KCNB2: variants seen among roughly 807,000 people sequenced by gnomAD.
KCNB2 encodes potassium voltage-gated channel subfamily B member 2, also known as delayed rectifier potassium channel protein.
KCNB2 carries 15 observed loss-of-function variants against 61.5 expected under a neutral mutation model. That is an observed-to-expected ratio of 0.24 (90% CI 0.16 to 0.38). The LOEUF is 0.38. Ranked by LOEUF, KCNB2 falls within the 10% of genes least tolerant of loss-of-function variation. The probability of loss-of-function intolerance (pLI) is 1.00; values close to 1 mark genes in which losing one functional copy is unlikely to be tolerated. For synonymous variants in KCNB2, 457 were observed against 446.0 expected, an observed-to-expected ratio of 1.02 and a Z score of -0.31; for missense variants, 828 against 1,125.2, an observed-to-expected ratio of 0.74 and a Z score of 3.78.
At chr8:72,815,862 C>G (rs1198861579) in intron 2 of KCNB2, among the ~76,000 whole-genome samples, 1 of 152,000 alleles carries the variant, frequency 6.6e-6, no homozygotes, top group Non-Finnish European at 1.5e-5. Context: ...AAAATTGAAA[C>G]CTTACTATGA....
intron 2 of KCNB2, among the ~76,000 whole-genome samples, chr8:72,902,372 G>A (rs1297458361): frequency 2.0e-5 from 3 of 152,124 alleles, no homozygotes; most frequent in Non-Finnish European, 2.9e-5. Context: ...GTGATCAGAG[G>A]ATGGAGTTTT....
intron 2 of KCNB2, among the ~76,000 whole-genome samples, chr8:72,908,476 A>T (rs1397582412): frequency 6.6e-6 from 1 of 152,192 alleles, no homozygotes; most frequent in African/African-American, 2.4e-5. Flanking sequence ...TAATTGGTGG[A>T]CTGATTAGTA....
intron 2 of KCNB2, among the ~76,000 whole-genome samples, chr8:72,714,077 G>C (rs1211142101): frequency 1.3e-5 from 2 of 152,116 alleles, no homozygotes; most frequent in East Asian, 3.9e-4. Context: ...AAGACGAAAT[G>C]AATGAAATGA....
At chr8:72,642,240 T>G (rs1160011518) in intron 2 of KCNB2, among the ~76,000 whole-genome samples, 1 of 152,178 alleles carries the variant, frequency 6.6e-6, no homozygotes, top group African/African-American at 2.4e-5. Context: ...AATATCTCAT[T>G]AATAATTTTA....
intron 2 of KCNB2, among the ~76,000 whole-genome samples, chr8:72,742,940 T>C (rs953674576): frequency 6.6e-6 from 1 of 152,240 alleles, no homozygotes; most frequent in Non-Finnish European, 1.5e-5. Context: ...GGGTGGAATC[T>C]ATACCAGCTC....
intron 1 of KCNB2, among the ~76,000 whole-genome samples, chr8:72,560,230 C>A (rs1806491838): frequency 6.6e-6 from 1 of 152,166 alleles, no homozygotes; most frequent in Non-Finnish European, 1.5e-5. Context: ...ATTACATGAT[C>A]TAAAAGTTAA....
chr8:72,838,586 C>G (rs1809823080), intron 2 of KCNB2, among the ~76,000 whole-genome samples: 1 of 152,146 alleles, frequency 6.6e-6, no homozygotes, highest in Non-Finnish European at 1.5e-5. Flanking sequence ...GTGCATGTGT[C>G]TTTATAGCAG....
intron 2 of KCNB2, among the ~76,000 whole-genome samples, chr8:72,731,643 A>G (rs967667462): frequency 2.6e-5 from 4 of 152,238 alleles, no homozygotes; most frequent in African/African-American, 9.6e-5. Flanking sequence ...GTGTGAACAT[A>G]TCATTTGACC....
At chr8:72,768,800 C>T (rs985934409) in intron 2 of KCNB2, among the ~76,000 whole-genome samples, 8 of 152,098 alleles carry the variant, frequency 5.3e-5, no homozygotes, top group African/African-American at 1.9e-4. Context: ...TGTCCTAGCA[C>T]CATTTGTTGA....
At chr8:72,833,599 G>A (rs956906734) in intron 2 of KCNB2, among the ~76,000 whole-genome samples, 1 of 152,056 alleles carries the variant, frequency 6.6e-6, no homozygotes, top group Non-Finnish European at 1.5e-5. Flanking sequence ...AGGGGGTGAG[G>A]AATTCTAAAC....
chr8:72,546,049 C>A (rs1806253111), intron 1 of KCNB2, among the ~76,000 whole-genome samples: 1 of 152,086 alleles, frequency 6.6e-6, no homozygotes. Flanking sequence ...GGTAAAGGCC[C>A]CCTGTTCTGG....
chr8:72,775,408 A>T (rs765797813), intron 2 of KCNB2, among the ~76,000 whole-genome samples: 7 of 152,228 alleles, frequency 4.6e-5, no homozygotes, highest in Non-Finnish European at 8.8e-5. Context: ...CTGTTAGAAC[A>T]TCGCAGAATG....
intron 2 of KCNB2, among the ~76,000 whole-genome samples, chr8:72,804,416 G>T (rs974367173): frequency 4.6e-5 from 7 of 152,036 alleles, no homozygotes; most frequent in African/African-American, 1.7e-4. Flanking sequence ...ACTGCTAATG[G>T]TCATTTGGAA....
chr8:72,581,884 T>G (rs1011086004), intron 2 of KCNB2, among the ~76,000 whole-genome samples: 1 of 152,214 alleles, frequency 6.6e-6, no homozygotes, highest in Non-Finnish European at 1.5e-5. Context: ...CTGTGGGCTC[T>G]GGGAACTCTT....
chr8:72,655,281 A>C (rs544029515), intron 2 of KCNB2, among the ~76,000 whole-genome samples: 1 of 152,092 alleles, frequency 6.6e-6, no homozygotes, highest in Admixed American at 6.6e-5. Context: ...AACAATAGGC[A>C]TGAGGGCCTA....
At chr8:72,725,577 A>ATGTATGTGTG (rs1397992108) in intron 2 of KCNB2, among the ~76,000 whole-genome samples, 1 of 65,734 alleles carries the variant, frequency 1.5e-5, no homozygotes, top group African/African-American at 7.6e-5. Flanking sequence ...ATATATATGT[A>ATGTATGTGTG]TATATATATG....
intron 1 of KCNB2, among the ~76,000 whole-genome samples, 199 bp from the exon 2 acceptor site, chr8:72,567,443 C>G (rs1806641148): frequency 6.6e-6 from 1 of 152,186 alleles, no homozygotes; most frequent in Non-Finnish European, 1.5e-5. Flanking sequence ...GTGTAGTACA[C>G]TGTGTTGTCT....
chr8:72,822,875 T>C (rs1312221276), intron 2 of KCNB2, among the ~76,000 whole-genome samples: 1 of 152,116 alleles, frequency 6.6e-6, no homozygotes, highest in Non-Finnish European at 1.5e-5. Flanking sequence ...CTCATTTCCT[T>C]GACCTCCTAA....
chr8:72,738,045 T>C (rs750691005), intron 2 of KCNB2, among the ~76,000 whole-genome samples: 12 of 152,154 alleles, frequency 7.9e-5, no homozygotes, highest in Non-Finnish European at 1.6e-4. Context: ...TTTACACAAA[T>C]TGACATACTC....
Sources: allele counts gnomAD v4.1 joint callset (sites outside exome capture counted in the v4.1 genomes callset), GRCh38; gene constraint gnomAD v4.1.1; transcripts MANE v1.5; gene names NCBI Gene and HGNC (gene_info 2026-07-23, HGNC 2026-07-21).